The following SESTD1 variants were observed in gnomAD, a reference collection of about 807,000 sequenced individuals.
SESTD1 encodes the protein SEC14 domain and spectrin repeat-containing protein 1.
Under a neutral mutation model 101.7 loss-of-function variants are expected in SESTD1, and 43 were observed. That is an observed-to-expected ratio of 0.42 (90% CI 0.33 to 0.55). The LOEUF is 0.55. Among genes scored for constraint, SESTD1 ranks in the 20% least tolerant of loss-of-function variants. The pLI is 0.07. For synonymous variants in SESTD1, 283 were observed against 286.8 expected (o/e 0.99, Z 0.13); for missense variants, 647 against 815.1 (o/e 0.79, Z 2.51).
chr2:179,142,472 C>G (rs1218859196), intron 9 of SESTD1, among the ~76,000 whole-genome samples: 2 of 152,200 alleles, frequency 1.3e-5, no homozygotes, highest in East Asian at 3.9e-4. Flanking sequence ...TCAAGCGAGG[C>G]TCAGGGGTGA....
intron 1 of SESTD1, among the ~76,000 whole-genome samples, chr2:179,250,610 T>C (rs2047302604): frequency 6.6e-6 from 1 of 152,168 alleles, no homozygotes; most frequent in Non-Finnish European, 1.5e-5. Context: ...CACATATCCC[T>C]GGTGTCTGTG....
chr2:179,227,371 C>A (rs2046903405), intron 1 of SESTD1, among the ~76,000 whole-genome samples: 1 of 152,086 alleles, frequency 6.6e-6, no homozygotes, highest in East Asian at 1.9e-4. Flanking sequence ...TCCTGACTGC[C>A]ACTAACCTCT....
intron 1 of SESTD1, among the ~76,000 whole-genome samples, chr2:179,238,615 T>C (rs1464493343): frequency 1.3e-5 from 2 of 152,092 alleles, no homozygotes; most frequent in Non-Finnish European, 2.9e-5. Context: ...ACTAGAAACT[T>C]ATTGCTCAAT....
At position 179,109,696 on chromosome 2, in the gene SESTD1, C is replaced by A; in HGVS notation, c.*203G>T. On this transcript the variant is annotated 3_prime_UTR_variant, in exon 18 of 18. Coordinates refer to ENST00000428443, the MANE Select transcript of SESTD1 (RefSeq NM_178123.5). ...GTTTATAGTTCCTTCTTTTAAGATACTTGGAATCTACAGCCTCGAAGCATG... is the reference window on the plus strand; with the variant it reads ...GTTTATAGTTCCTTCTTTTAAGATAATTGGAATCTACAGCCTCGAAGCATG... 1.7e-6 allele frequency: 1 copy of A among 581,204 alleles called. No homozygotes were observed. Among genetic ancestry groups the A allele is most frequent in the Non-Finnish European group, 2.9e-6 (1 of 347,764 alleles). The allele number at this position is 581,204 out of a possible 1,614,324, so 36.0% of individuals were successfully genotyped here.
chr2:179,142,274 C>T (rs2045296051), intron 9 of SESTD1, among the ~76,000 whole-genome samples: 1 of 152,156 alleles, frequency 6.6e-6, no homozygotes, highest in Admixed American at 6.5e-5. Context: ...AGTTTGCCAG[C>T]AACTACACTA....
At chr2:179,130,869 A>T (rs1338482425) in intron 10 of SESTD1, among the ~76,000 whole-genome samples, 1 of 152,070 alleles carries the variant, frequency 6.6e-6, no homozygotes, top group Non-Finnish European at 1.5e-5. Context: ...TTAAAAAAAA[A>T]ATCAAAACAT....
chr2:179,146,167 C>T (rs1288263625), intron 8 of SESTD1, among the ~76,000 whole-genome samples: 1 of 152,000 alleles, frequency 6.6e-6, no homozygotes, highest in African/African-American at 2.4e-5. Context: ...GTTGTGTGCT[C>T]CTTATAAGAA....
In SESTD1 at chr2:179,115,076, T is replaced by C. The variant is rs1429981035; in HGVS notation, c.1828A>G (p.Asn610Asp). Residue 610 changes from asparagine to aspartate, a missense_variant, in exon 16 of 18, where the codon AAT becomes GAT. Asn to Asp is a conservative substitution (Grantham distance 23). This residue lies in a region of SESTD1 where 476 missense variants were observed against 562.6 expected (regional missense o/e 0.85). Coordinates refer to ENST00000428443, the MANE Select transcript of SESTD1 (RefSeq NM_178123.5). Reference protein sequence around the residue: ...RLEMAIAFHSNAEKILQDCPE... With the variant: ...RLEMAIAFHSDAEKILQDCPE... ...AAACACAAGCAAACCTTTTCAGCAT[T>C]TGAGTGAAATGCAATAGCCATTTCC... The C allele has an allele frequency of 8.7e-6, 14 of 1,610,062 alleles. No individual in the cohort carries two copies. In the Admixed American group the frequency reaches 1.9e-4, roughly 22 times the overall value.
intron 5 of SESTD1, among the ~76,000 whole-genome samples, chr2:179,164,872 T>C (rs2045807817): frequency 6.6e-6 from 1 of 152,210 alleles, no homozygotes; most frequent in African/African-American, 2.4e-5. Flanking sequence ...GCAGATAATT[T>C]AATTTTAAGG....
intron 14 of SESTD1, 29 bp downstream of exon 14, chr2:179,117,503 A>G: frequency 6.6e-7 from 1 of 1,525,768 alleles, no homozygotes; most frequent in Non-Finnish European, 8.8e-7. Context: ...AGAAAAGTTA[A>G]CTACATAATG....
intron 2 of SESTD1, among the ~76,000 whole-genome samples, chr2:179,185,496 T>C (rs938898102): frequency 7.1e-6 from 1 of 140,440 alleles, no homozygotes; most frequent in Non-Finnish European, 1.5e-5. Context: ...ATACAATATA[T>C]ATTATATCGT....
At chr2:179,176,375 G>T in intron 4 of SESTD1, 73 bp downstream of exon 4, 1 of 1,120,054 alleles carries the variant, frequency 8.9e-7, no homozygotes, top group Non-Finnish European at 1.3e-6. Context: ...TAAATTAAAT[G>T]CATTTGCCAT....
At chr2:179,202,608 A>T (rs971515980) in intron 1 of SESTD1, among the ~76,000 whole-genome samples, 4 of 134,924 alleles carry the variant, frequency 3.0e-5, no homozygotes, top group Non-Finnish European at 6.4e-5. Context: ...TTTTCAGGTT[A>T]CCTAAATGGG....
intron 4 of SESTD1, among the ~76,000 whole-genome samples, chr2:179,175,098 AGGCCTGG>A (rs1559128662): frequency 6.6e-6 from 1 of 152,216 alleles, no homozygotes; most frequent in Non-Finnish European, 1.5e-5. Context: ...GATAAAGTCA[AGGCCTGG>A]GGCTTACTTA....
At chr2:179,245,140 C>T (rs1040950454) in intron 1 of SESTD1, among the ~76,000 whole-genome samples, 2 of 152,014 alleles carry the variant, frequency 1.3e-5, no homozygotes, top group African/African-American at 4.8e-5. Context: ...GTATTGCTTC[C>T]GTCCAGGAGT....
rs2046645576 is a variant in SESTD1, at chr2:179,211,086, A to G, written c.-25-19220T>C. ...CTTTTAACAACAGCTGCAAAAAAAA[A>G]AAAGGAATATACCTAACCAAGGAAG... On this transcript the variant is annotated intron_variant, in intron 1 of 17. Transcript: ENST00000428443. Among the ~76,000 whole-genome samples, 2 of 133,228 alleles carry G rather than the reference A, an allele frequency of 1.5e-5. 1 individual carries two copies. Among genetic ancestry groups the G allele is most frequent in the Non-Finnish European group, 3.2e-5 (2 of 62,204 alleles). 87.4% of individuals were successfully genotyped at this position (133,228 alleles called of 152,430 possible).
intron 1 of SESTD1, among the ~76,000 whole-genome samples, chr2:179,251,324 A>G (rs928181913): frequency 5.9e-5 from 9 of 152,226 alleles, no homozygotes; most frequent in Non-Finnish European, 1.0e-4. Flanking sequence ...CTTGCTACAC[A>G]TGGGTGGGAA....
chr2:179,207,742 T>A lies in SESTD1; in HGVS notation c.-25-15876A>T, dbSNP rs1320053815. Among the ~76,000 whole-genome samples the A allele has an allele frequency of 2.2e-5, 3 of 134,712 alleles. 1 individual carries two copies. The highest frequency in any genetic ancestry group is 4.8e-5 in the Non-Finnish European group (3 of 62,750). 88.4% of individuals were successfully genotyped at this position (134,712 alleles called of 152,430 possible). On this transcript the variant is annotated intron_variant, in intron 1 of 17. Transcript: ENST00000428443. ...TGAACAGCAGCCCCTGAGTTCCAGA[T>A]CTTTCCACTGAAACAGTCTAACAAA...
intron 10 of SESTD1, 181 bp downstream of exon 10, chr2:179,132,123 A>C: frequency 3.3e-6 from 2 of 598,554 alleles, no homozygotes; most frequent in Non-Finnish European, 5.2e-6. Context: ...AACCAAAAAC[A>C]ACCTTCTAAT....
Sources: gnomAD v4.1 joint callset for allele counts (sites outside exome capture counted in the v4.1 genomes callset) on GRCh38, gnomAD v4.1.1 for gene constraint, gnomAD v4.1.1 regional missense constraint, MANE v1.5 for transcripts, NCBI Gene and HGNC (gene_info 2026-07-23, HGNC 2026-07-21) for gene names.